The following CCDC7 variants were observed in gnomAD, a reference collection of about 807,000 sequenced individuals.
The protein encoded by CCDC7 is coiled-coil domain containing 7.
Under a neutral mutation model 196.9 loss-of-function variants are expected in CCDC7, and 183 were observed. That is an observed-to-expected ratio of 0.93 (90% CI 0.82 to 1.05). CCDC7 has a LOEUF of 1.05. Among genes scored for constraint, CCDC7 ranks in the 50% least tolerant of loss-of-function variants. CCDC7 has a pLI of 0.00. For missense variants in CCDC7, 1,540 were observed against 1,482.2 expected, an observed-to-expected ratio of 1.04 and a Z score of -0.64; for synonymous variants, 525 against 484.6, an observed-to-expected ratio of 1.08 and a Z score of -1.10.
chr10:32,761,351 G>C (rs1056371684), intron 28 of CCDC7, among the ~76,000 whole-genome samples: 4 of 151,908 alleles, frequency 2.6e-5, no homozygotes, highest in African/African-American at 7.2e-5. Flanking sequence ...TGATACCGTG[G>C]CATCATATGG....
At chr10:32,709,022 C>T (rs564354866) in intron 24 of CCDC7, among the ~76,000 whole-genome samples, 6 of 152,244 alleles carry the variant, frequency 3.9e-5, no homozygotes, top group East Asian at 3.9e-4. Flanking sequence ...AACGTGCACA[C>T]GTATGTTTAT....
In CCDC7 at chr10:32,644,286, C is replaced by T. The variant is rs150663488; in HGVS notation, c.2014+9128C>T. Among the ~76,000 whole-genome samples the T allele has an allele frequency of 1.3e-3, 204 of 152,252 alleles. 1 individual carries two copies. In the Middle Eastern group the frequency reaches 0.014, roughly 10 times the overall value. ...TAGTACCCTACTGTGGAACAGAACACTAAAACTTCTTCTTCATGTCTAACT... is the reference window on the plus strand; with the variant it reads ...TAGTACCCTACTGTGGAACAGAACATTAAAACTTCTTCTTCATGTCTAACT... On this transcript the variant is annotated intron_variant, in intron 20 of 41. Transcript: ENST00000639629.
chr10:32,845,210 C>A, intron 33 of CCDC7, 33 bp from the exon 35 acceptor site: 1 of 1,342,012 alleles, frequency 7.5e-7, no homozygotes, highest in Non-Finnish European at 1.0e-6. Context: ...GTTTACCTTT[C>A]AAAATATATT....
At chr10:32,879,515 CCAAA>C (rs2094713197), downstream of CCDC7, among the ~76,000 whole-genome samples, 1 of 151,966 alleles carries the variant, frequency 6.6e-6, no homozygotes, top group African/African-American at 2.4e-5. Context: ...CTTCCAAACC[CCAAA>C]CAATGAATCA....
chr10:32,445,441 C>T (rs1399721059), upstream of CCDC7, among the ~76,000 whole-genome samples: 1 of 152,154 alleles, frequency 6.6e-6, no homozygotes, highest in Admixed American at 6.5e-5. Flanking sequence ...TTTAAACCTC[C>T]TGGTTTTTAG....
chr10:32,710,701 C>G (rs534140271), intron 24 of CCDC7, among the ~76,000 whole-genome samples: 8 of 152,314 alleles, frequency 5.3e-5, no homozygotes, highest in South Asian at 4.1e-4. Context: ...CCCAAGAGGT[C>G]TCAACTCTAG....
intron 28 of CCDC7, among the ~76,000 whole-genome samples, chr10:32,730,801 A>G (rs2132761192): frequency 6.6e-6 from 1 of 152,158 alleles, no homozygotes; most frequent in South Asian, 2.1e-4. Context: ...GTATTAGATG[A>G]AAATCTTTTG....
downstream of CCDC7, among the ~76,000 whole-genome samples, chr10:32,881,563 T>G (rs915880337): frequency 1.3e-5 from 2 of 152,142 alleles, no homozygotes; most frequent in African/African-American, 4.8e-5. Context: ...AGAGTTTCAC[T>G]GAGACAAAGA....
intron 18 of CCDC7, among the ~76,000 whole-genome samples, chr10:32,585,316 G>T (rs17585220): frequency 1.3e-5 from 2 of 152,044 alleles, no homozygotes; most frequent in Non-Finnish European, 2.9e-5. Context: ...CTTATGATCC[G>T]CCCGCCTTGG....
At chr10:32,764,256 C>T (rs1394451477) in intron 28 of CCDC7, among the ~76,000 whole-genome samples, 1 of 150,994 alleles carries the variant, frequency 6.6e-6, no homozygotes, top group Non-Finnish European at 1.5e-5. Context: ...ACAAGTCCCA[C>T]CAGCCCCCTA....
At chr10:32,492,935 T>A (rs2042367619) in intron 9 of CCDC7, among the ~76,000 whole-genome samples, 1 of 152,164 alleles carries the variant, frequency 6.6e-6, no homozygotes, top group Non-Finnish European at 1.5e-5. Flanking sequence ...AATTTCTTTT[T>A]AAAATAAATG....
intron 12 of CCDC7, among the ~76,000 whole-genome samples, chr10:32,543,844 T>C (rs1288611357): frequency 6.6e-6 from 1 of 152,038 alleles, no homozygotes; most frequent in East Asian, 1.9e-4. Flanking sequence ...TTTAGTATTA[T>C]AATTATTGCA....
chr10:32,568,480 C>T (rs1042202381), intron 15 of CCDC7, among the ~76,000 whole-genome samples: 1 of 152,032 alleles, frequency 6.6e-6, no homozygotes, highest in African/African-American at 2.4e-5. Context: ...TTGTGAACTA[C>T]CTCAACTTCT....
chr10:32,477,664 A>G (rs2039258500), intron 8 of CCDC7, among the ~76,000 whole-genome samples: 5 of 151,496 alleles, frequency 3.3e-5, no homozygotes, highest in Admixed American at 3.3e-4. Flanking sequence ...AGTTGCGTAT[A>G]TTTGTGAGTC....
At chr10:32,787,083 A>G (rs1592744379) in intron 29 of CCDC7, among the ~76,000 whole-genome samples, 2 of 152,338 alleles carry the variant, frequency 1.3e-5, no homozygotes, top group East Asian at 3.9e-4. Flanking sequence ...CGAGTGGATC[A>G]GCAACACATT....
chr10:32,506,777 G>A (rs542181908), intron 9 of CCDC7, among the ~76,000 whole-genome samples: 32 of 140,592 alleles, frequency 2.3e-4, no homozygotes, highest in Non-Finnish European at 3.5e-4. Context: ...ACGGGAGCCC[G>A]AGGCAGGGAG....
intron 28 of CCDC7, among the ~76,000 whole-genome samples, chr10:32,755,518 A>G (rs2076284061): frequency 6.6e-6 from 1 of 152,188 alleles, no homozygotes; most frequent in South Asian, 2.1e-4. Context: ...GCAAACTCCA[A>G]CAGACCTGCA....
chr10:32,661,082 A>G (rs2071295895), intron 20 of CCDC7, among the ~76,000 whole-genome samples: 3 of 150,040 alleles, frequency 2.0e-5, no homozygotes, highest in Middle Eastern at 7.1e-3. Context: ...CTCATCTGAC[A>G]AAGGGCTAAT....
At chr10:32,685,843 A>G (rs1323222028) in intron 21 of CCDC7, 127 bp from the exon 23 acceptor site, 1 of 574,794 alleles carries the variant, frequency 1.7e-6, no homozygotes, top group African/African-American at 1.9e-5. Context: ...TATTATTGTA[A>G]TTTAGTTATA....
Sources: gnomAD v4.1 joint callset for allele counts (sites outside exome capture counted in the v4.1 genomes callset) on GRCh38, gnomAD v4.1.1 for gene constraint, MANE v1.5 for transcripts, NCBI Gene and HGNC (gene_info 2026-07-23, HGNC 2026-07-21) for gene names.